The following SETX variants were observed in gnomAD, a reference collection of about 807,000 sequenced individuals.
SETX encodes helicase senataxin.
In SETX, 90 loss-of-function variants were observed where a neutral mutation model predicts 227.2. The observed-to-expected ratio is 0.40, with a 90% CI of 0.33 to 0.47. The LOEUF (loss-of-function observed/expected upper bound fraction) is 0.47. SETX is among the 20% of genes least tolerant of loss of function. The pLI, the probability that SETX is intolerant of heterozygous loss-of-function variation, is 0.91. For synonymous variants in SETX, 1,210 were observed against 1,113.2 expected (o/e 1.09, Z -1.73); for missense variants, 3,052 against 3,181.5 (o/e 0.96, Z 0.98).
At chr9:132,297,360 C>T (rs953060176) in intron 13 of SETX, among the ~76,000 whole-genome samples, 3 of 152,086 alleles carry the variant, frequency 2.0e-5, no homozygotes, top group African/African-American at 7.2e-5. Flanking sequence ...TTTACTAATC[C>T]ACAACTTTTC....
chr9:132,332,918 G>GA (rs1311545099), intron 7 of SETX, among the ~76,000 whole-genome samples: 147 of 100,604 alleles, frequency 1.5e-3, no homozygotes, highest in African/African-American at 1.4e-3. Context: ...TGTCTCAAAA[G>GA]AAAAAAAAAA....
chr9:132,338,383 G>A (rs1847764180), intron 5 of SETX, among the ~76,000 whole-genome samples: 1 of 152,062 alleles, frequency 6.6e-6, no homozygotes, highest in Non-Finnish European at 1.5e-5. Flanking sequence ...GAGCCACCGT[G>A]CCCAGCCTCA....
Position 132,342,842 on chromosome 9 carries a change from T to A in SETX, c.389-43A>T, listed in dbSNP as rs1351450575. On this transcript the variant is annotated intron_variant, in intron 4 of 25. Transcript: ENST00000224140. ...AGTAAAATACATAAATCTTATCACC[T>A]TATCAAGATTCCCTAAATTAGGCTC... is the stretch of plus-strand genomic sequence containing the variant. 4.3e-6 allele frequency: 6 copies of A among 1,385,104 alleles called. No homozygotes were observed. In the Admixed American group the frequency reaches 1.0e-4, roughly 23 times the overall value. 85.8% of individuals were successfully genotyped at this position (1,385,104 alleles called of 1,614,324 possible).
intron 22 of SETX, among the ~76,000 whole-genome samples, chr9:132,275,900 A>T (rs983062347): frequency 6.6e-6 from 1 of 152,116 alleles, no homozygotes; most frequent in African/African-American, 2.4e-5. Context: ...CACACAACCG[A>T]GCAGCTGCCA....
chr9:132,324,892 C>T (rs1364128817), intron 10 of SETX, among the ~76,000 whole-genome samples: 2 of 152,172 alleles, frequency 1.3e-5, no homozygotes, highest in Non-Finnish European at 2.9e-5. Flanking sequence ...ACACAAAAAT[C>T]CTTCTAAACG....
chr9:132,323,816 C>A (rs118151937), intron 10 of SETX, among the ~76,000 whole-genome samples: 1 of 151,856 alleles, frequency 6.6e-6, no homozygotes, highest in East Asian at 1.9e-4. Flanking sequence ...GGTGGAAGGA[C>A]TACCAGAGGC....
At chr9:132,316,543 TTTC>T (rs1260207020) in intron 10 of SETX, among the ~76,000 whole-genome samples, 2 of 152,250 alleles carry the variant, frequency 1.3e-5, no homozygotes, top group African/African-American at 2.4e-5. Flanking sequence ...ATTTTGATAT[TTTC>T]TTCGTTTAGT....
intron 5 of SETX, among the ~76,000 whole-genome samples, chr9:132,337,962 C>A (rs988534237): frequency 6.6e-6 from 1 of 152,142 alleles, no homozygotes; most frequent in African/African-American, 2.4e-5. Context: ...AAGGATATGG[C>A]GTGCCTCTGT....
chr9:132,304,420 A>G lies in SETX; in HGVS notation c.5375-3617T>C, dbSNP rs190342690. Among the ~76,000 whole-genome samples, 323 of 152,256 alleles carry G rather than the reference A, an allele frequency of 2.1e-3. 1 individual carries two copies. Among genetic ancestry groups the G allele is most frequent in the Middle Eastern group, 3.4e-3 (1 of 294 alleles). On this transcript the variant is annotated intron_variant, in intron 11 of 25. Transcript: ENST00000224140. ...CTGGACTTCACTACACTTGCAGAAAAGGGTGTCACTGAACTTGTAATTGTG... is the reference window on the plus strand; with the variant it reads ...CTGGACTTCACTACACTTGCAGAAAGGGGTGTCACTGAACTTGTAATTGTG...
At chr9:132,331,949 T>C (rs1297481700) in intron 7 of SETX, among the ~76,000 whole-genome samples, 2 of 152,240 alleles carry the variant, frequency 1.3e-5, no homozygotes, top group Non-Finnish European at 2.9e-5. Flanking sequence ...CTGAATTTTG[T>C]GTCACGCATC....
chr9:132,265,050 T>C (rs1842571711), intron 25 of SETX, 65 bp from the exon 26 acceptor site: 2 of 1,574,892 alleles, frequency 1.3e-6, no homozygotes, highest in African/African-American at 2.7e-5. Flanking sequence ...AAGCATAGAG[T>C]TCCAGCTTTC....
intron 9 of SETX, 24 bp downstream of exon 9, chr9:132,331,028 C>A (rs764513640): frequency 1.3e-6 from 2 of 1,527,378 alleles, no homozygotes; most frequent in South Asian, 2.2e-5. Flanking sequence ...AAAATAGCAT[C>A]TGAATTTTCA....
chr9:132,301,690 A>T (rs1274390116), intron 11 of SETX, among the ~76,000 whole-genome samples: 2 of 152,128 alleles, frequency 1.3e-5, no homozygotes, highest in Non-Finnish European at 2.9e-5. Flanking sequence ...CTCTAAGTAC[A>T]CTCTTACTTC....
chr9:132,339,095 T>C (rs1457278315), intron 5 of SETX, among the ~76,000 whole-genome samples: 1 of 152,204 alleles, frequency 6.6e-6, no homozygotes, highest in East Asian at 1.9e-4. Flanking sequence ...ATTTTCACTC[T>C]CTTTATGGTA....
chr9:132,293,395 T>C (rs1844457909), intron 15 of SETX, among the ~76,000 whole-genome samples: 1 of 152,152 alleles, frequency 6.6e-6, no homozygotes, highest in African/African-American at 2.4e-5. Context: ...AAGGTCTCTG[T>C]ACTCAGAGAG....
In SETX at chr9:132,311,767, C is replaced by T; in HGVS notation, c.5364G>A (p.Trp1788Ter). ...RKFPADYIKY[W>*]EFAVYLEECE... ...TAAGAAAAAACTTACCTGCAAACTC[C>T]CAGTATTTTATATAATCGGCAGGAA... Residue 1788 changes from tryptophan (W) to a stop codon, truncating the protein, a stop_gained, in exon 11 of 26, where the codon TGG becomes TGA. Coordinates refer to ENST00000224140, the MANE Select transcript of SETX (RefSeq NM_015046.7). LOFTEE classifies it high-confidence loss of function. 1 of 1,611,024 alleles carries T rather than the reference C, an allele frequency of 6.2e-7. No homozygotes were observed. Among genetic ancestry groups the T allele is most frequent in the Non-Finnish European group, 8.5e-7 (1 of 1,177,692 alleles).
rs993078347 is a variant in SETX, at chr9:132,333,169, A to C, written c.838+1439T>G. ...CAAGGCAGGCGGATCACATGAGACCAGGAGTTCAAGACCAGCCTGGAAAAC... is the reference window on the plus strand; with the variant it reads ...CAAGGCAGGCGGATCACATGAGACCCGGAGTTCAAGACCAGCCTGGAAAAC... On this transcript the variant is annotated intron_variant, in intron 7 of 25. Transcript: ENST00000224140. Among the ~76,000 whole-genome samples the C allele has an allele frequency of 4.0e-5, 6 of 151,426 alleles. No homozygotes were observed. In the East Asian group the frequency reaches 9.7e-4, roughly 24 times the overall value.
At chr9:132,332,419 G>A (rs551097036) in intron 7 of SETX, among the ~76,000 whole-genome samples, 2 of 152,090 alleles carry the variant, frequency 1.3e-5, no homozygotes, top group East Asian at 1.9e-4. Flanking sequence ...TTGAATTCAC[G>A]CAGTCACTGC....
chr9:132,342,907 T>C (rs565047887), intron 4 of SETX, 108 bp from the exon 5 acceptor site: 13 of 831,906 alleles, frequency 1.6e-5, no homozygotes, highest in Non-Finnish European at 2.6e-5. Context: ...TTGCTTTTTA[T>C]TTTTCCAAAT....
Sources: allele counts gnomAD v4.1 joint callset (sites outside exome capture counted in the v4.1 genomes callset), GRCh38; gene constraint gnomAD v4.1.1; transcripts MANE v1.5; gene names NCBI Gene and HGNC (gene_info 2026-07-23, HGNC 2026-07-21).